Variants in UNC13C observed in about 807,000 individuals in gnomAD.
UNC13C encodes the protein unc-13 homolog C.
UNC13C carries 174 observed loss-of-function variants against 245.4 expected under a neutral mutation model. The observed-to-expected ratio is 0.71, with a 90% confidence interval of 0.63 to 0.80. The LOEUF (loss-of-function observed/expected upper bound fraction) is 0.80, where lower values mean the gene tolerates loss of function less well. UNC13C is among the 30% of genes least tolerant of loss of function. The pLI, the probability that UNC13C is intolerant of heterozygous loss-of-function variation, is 0.00. For synonymous variants in UNC13C, 992 were observed against 895.1 expected (o/e 1.11, Z -1.93); for missense variants, 2,829 against 2,602.9 (o/e 1.09, Z -1.89).
intron 13 of UNC13C, among the ~76,000 whole-genome samples, chr15:54,318,770 G>T (rs118049127): frequency 6.6e-6 from 1 of 151,688 alleles, no homozygotes; most frequent in South Asian, 2.1e-4. Context: ...ATGTGCTCTT[G>T]TTTATCTGGT....
chr15:54,010,461 T>C (rs1895332318), intron 1 of UNC13C, among the ~76,000 whole-genome samples: 1 of 152,054 alleles, frequency 6.6e-6, no homozygotes, highest in South Asian at 2.1e-4. Context: ...TAGATATTTA[T>C]GAAAGAGACA....
At chr15:54,619,623 C>T (rs1900668393) in intron 30 of UNC13C, among the ~76,000 whole-genome samples, 1 of 152,104 alleles carries the variant, frequency 6.6e-6, no homozygotes, top group Non-Finnish European at 1.5e-5. Context: ...GTGAAGTTTG[C>T]CCTTCATGCA....
chr15:54,114,616 A>ATTT (rs200447948), intron 2 of UNC13C, among the ~76,000 whole-genome samples: 6 of 152,174 alleles, frequency 3.9e-5, no homozygotes, highest in African/African-American at 1.4e-4. Context: ...ATACCACATC[A>ATTT]TATTTTTTTT....
intron 2 of UNC13C, among the ~76,000 whole-genome samples, chr15:54,018,285 C>A (rs1015309717): frequency 6.6e-6 from 1 of 152,182 alleles, no homozygotes; most frequent in Non-Finnish European, 1.5e-5. Context: ...CACGAGGTAG[C>A]AGTGCTGTCT....
chr15:54,240,380 G>T (rs1047692935), intron 7 of UNC13C, among the ~76,000 whole-genome samples: 2 of 152,142 alleles, frequency 1.3e-5, no homozygotes, highest in Admixed American at 6.5e-5. Flanking sequence ...GCACTTCTTG[G>T]TGCTGAAAAT....
At chr15:54,614,237 T>G (rs1900283230) in intron 30 of UNC13C, among the ~76,000 whole-genome samples, 1 of 152,012 alleles carries the variant, frequency 6.6e-6, no homozygotes, top group Non-Finnish European at 1.5e-5. Flanking sequence ...CTTATTCTGT[T>G]TTAACACCAT....
chr15:53,920,846 A>G, the UNC13C span, among the ~76,000 whole-genome samples: 1 of 150,102 alleles, frequency 6.7e-6, no homozygotes. Context: ...TAGAGTTTGA[A>G]TCTAGTATGG....
intron 4 of UNC13C, among the ~76,000 whole-genome samples, chr15:54,191,847 T>C (rs1282249517): frequency 6.6e-6 from 1 of 152,192 alleles, no homozygotes; most frequent in African/African-American, 2.4e-5. Flanking sequence ...TGCATAAATG[T>C]CTTCTTTTGA....
intron 19 of UNC13C, among the ~76,000 whole-genome samples, chr15:54,448,213 A>G (rs1402513164): frequency 1.3e-5 from 2 of 152,190 alleles, no homozygotes; most frequent in Non-Finnish European, 2.9e-5. Context: ...CAGTTTTGGA[A>G]TAAGTGCGGT....
intron 24 of UNC13C, among the ~76,000 whole-genome samples, chr15:54,520,951 G>A (rs190216399): frequency 9.2e-5 from 14 of 152,138 alleles, no homozygotes; most frequent in African/African-American, 2.9e-4. Flanking sequence ...AAATAAGTTT[G>A]GCTTCTCTTT....
chr15:54,338,618 T>C lies in UNC13C; in HGVS notation c.4713+129T>C, dbSNP rs533334233. 1.3e-5 allele frequency: 13 copies of C among 1,013,476 alleles called. No homozygotes were observed. The South Asian group carries it at 2.2e-4, about 17-fold the overall frequency. 62.8% of individuals were successfully genotyped at this position (1,013,476 alleles called of 1,614,324 possible). A position where few individuals can be genotyped will look rare whatever the true frequency, so the allele number is the denominator to read the frequency against. Reference sequence around the variant, plus strand: ...CACATTAACTGCAAATTTGAGAATTTCCATACCTTTTCTTCATATTTGAAT... The same window carrying C: ...CACATTAACTGCAAATTTGAGAATTCCCATACCTTTTCTTCATATTTGAAT... On this transcript the variant is annotated intron_variant, in intron 17 of 32. Transcript: ENST00000260323.
the UNC13C span, among the ~76,000 whole-genome samples, chr15:53,878,781 A>G: frequency 1.3e-5 from 2 of 152,360 alleles, no homozygotes; most frequent in South Asian, 4.1e-4. Context: ...AACTTTTGTT[A>G]TAAGTGTCTT....
intron 2 of UNC13C, among the ~76,000 whole-genome samples, chr15:54,021,242 G>GA (rs1342294783): frequency 6.6e-6 from 1 of 151,534 alleles, no homozygotes; most frequent in Non-Finnish European, 1.5e-5. Context: ...TGTTATTATT[G>GA]ACTGTGGTCA....
At position 54,430,961 on chromosome 15, in the gene UNC13C, A is replaced by T. The variant is rs566612323; in HGVS notation, c.4933+15894A>T. Among the ~76,000 whole-genome samples, 23 of 151,870 alleles carry T rather than the reference A, an allele frequency of 1.5e-4. No homozygotes were observed. In the South Asian group the frequency reaches 4.6e-3, roughly 30 times the overall value. ...TTTCAGATGTCATGAACCATGTTGC[A>T]ACTTCTCTTTAGAGAAAACCTGGGC... On this transcript the variant is annotated intron_variant, in intron 19 of 32. Coordinates refer to ENST00000260323, the MANE Select transcript of UNC13C (RefSeq NM_001080534.3).
chr15:54,038,116 A>ATTTTT (rs1315947594), intron 2 of UNC13C, among the ~76,000 whole-genome samples: 29 of 22,576 alleles, frequency 1.3e-3, no homozygotes, highest in African/African-American at 3.0e-3. Context: ...ATATATATAT[A>ATTTTT]TATATATATT....
chr15:54,388,096 GA>G (rs141040508), intron 17 of UNC13C, among the ~76,000 whole-genome samples: 2,098 of 152,152 alleles, frequency 0.014, 46 homozygotes, highest in African/African-American at 0.047. Context: ...CCCATGAGCT[GA>G]ATGACGAAAC....
intron 2 of UNC13C, among the ~76,000 whole-genome samples, chr15:54,059,188 G>A (rs957163194): frequency 3.7e-5 from 5 of 134,900 alleles, no homozygotes; most frequent in African/African-American, 1.4e-4. Context: ...TGTTTGCAGA[G>A]GACATGATTG....
intron 17 of UNC13C, among the ~76,000 whole-genome samples, chr15:54,362,735 C>A (rs188512940): frequency 6.6e-6 from 1 of 152,012 alleles, no homozygotes; most frequent in African/African-American, 2.4e-5. Flanking sequence ...CTCTAATGAT[C>A]GAAAATCACT....
chr15:54,470,205 A>G (rs939880025), intron 19 of UNC13C, among the ~76,000 whole-genome samples: 2 of 151,512 alleles, frequency 1.3e-5, no homozygotes, highest in African/African-American at 2.4e-5. Context: ...TCATCAGGAT[A>G]TAATGAAAAT....
Sources: gnomAD v4.1 joint callset for allele counts (sites outside exome capture counted in the v4.1 genomes callset) on GRCh38, gnomAD v4.1.1 for gene constraint, MANE v1.5 for transcripts, NCBI Gene and HGNC (gene_info 2026-07-23, HGNC 2026-07-21) for gene names.